Variants in SMURF1 observed in about 807,000 individuals in gnomAD.
SMURF1 encodes SMAD specific E3 ubiquitin protein ligase 1, also known as E3 ubiquitin-protein ligase SMURF1.
Under a neutral mutation model 98.0 loss-of-function variants are expected in SMURF1, and 44 were observed. That is an observed-to-expected ratio of 0.45 (90% CI 0.35 to 0.58). The LOEUF is 0.58. Ranked by LOEUF, SMURF1 falls within the 20% of genes least tolerant of loss-of-function variation. SMURF1 has a pLI of 0.00. For synonymous variants in SMURF1, 396 were observed against 374.9 expected, an observed-to-expected ratio of 1.06 and a Z score of -0.65; for missense variants, 687 against 938.4, an observed-to-expected ratio of 0.73 and a Z score of 3.50.
chr7:99,045,632 C>A, intron 11 of SMURF1, 66 bp downstream of exon 11: 1 of 1,356,518 alleles, frequency 7.4e-7, no homozygotes, highest in South Asian at 1.2e-5. Context: ...TGGAGAAGGG[C>A]AAATGACTTC....
chr7:99,120,635 A>C (rs1048590960), intron 1 of SMURF1: 1 of 151,980 alleles, frequency 6.6e-6, no homozygotes, highest in African/African-American at 2.4e-5. Context: ...AAAAAAAAAA[A>C]AACAAACCTG....
chr7:99,117,346 T>C (rs576108682), intron 1 of SMURF1, among the ~76,000 whole-genome samples: 1 of 149,486 alleles, frequency 6.7e-6, no homozygotes, highest in African/African-American at 2.6e-5. Context: ...CAACGCTTTT[T>C]TTGGTTTTGT....
chr7:99,096,925 G>A (rs1796967869), intron 1 of SMURF1, among the ~76,000 whole-genome samples: 1 of 152,134 alleles, frequency 6.6e-6, no homozygotes, highest in South Asian at 2.1e-4. Context: ...AGAGTCATAC[G>A]ATGTATGTTC....
At chr7:99,051,082 TAAA>T in intron 8 of SMURF1, 1 of 1,256,642 alleles carries the variant, frequency 8.0e-7, no homozygotes. Flanking sequence ...TTTAAGCATA[TAAA>T]AAAGTTAGTG....
intron 1 of SMURF1, among the ~76,000 whole-genome samples, chr7:99,137,819 A>G (rs190185018): frequency 6.6e-6 from 1 of 152,356 alleles, no homozygotes; most frequent in East Asian, 1.9e-4. Flanking sequence ...TAGTCCAGAA[A>G]TGTGGAAACA....
At chr7:99,133,053 C>A (rs948494241) in intron 1 of SMURF1, among the ~76,000 whole-genome samples, 1 of 151,778 alleles carries the variant, frequency 6.6e-6, no homozygotes, top group African/African-American at 2.4e-5. Flanking sequence ...ATCTTGATTG[C>A]AATGGTGGTG....
rs911667780 is a variant in SMURF1, at chr7:99,086,459, G to A, written c.56-24622C>T. Reference sequence around the variant, plus strand: ...AAACTGGAACACTCCTACATTGATGGTGGCAATGTAAAATGGTGCCACCAC... The same window carrying A: ...AAACTGGAACACTCCTACATTGATGATGGCAATGTAAAATGGTGCCACCAC... On this transcript the variant is annotated intron_variant, in intron 1 of 17. Transcript: ENST00000361368. Among the ~76,000 whole-genome samples the A allele has an allele frequency of 9.9e-5, 15 of 151,436 alleles. No individual in the cohort carries two copies. The South Asian group carries it at 3.1e-3, about 32-fold the overall frequency.
intron 1 of SMURF1, among the ~76,000 whole-genome samples, chr7:99,099,063 G>A (rs1309181093): frequency 6.6e-6 from 1 of 152,178 alleles, no homozygotes; most frequent in Non-Finnish European, 1.5e-5. Flanking sequence ...TGTTTGAGAG[G>A]CAGAATGCAT....
At chr7:99,053,348 A>G (rs1795806381) in intron 6 of SMURF1, among the ~76,000 whole-genome samples, 2 of 151,814 alleles carry the variant, frequency 1.3e-5, no homozygotes, top group Middle Eastern at 3.4e-3. Flanking sequence ...TCCAATGTCC[A>G]CTCTTCCAAT....
In SMURF1 at chr7:99,043,961, G is replaced by A. The variant is rs148144097; in HGVS notation, c.1257-1729C>T. Among the ~76,000 whole-genome samples, 253 of 152,320 alleles carry A rather than the reference G, an allele frequency of 1.7e-3. 1 individual carries two copies. Among genetic ancestry groups the A allele is most frequent in the African/African-American group, 5.9e-3 (247 of 41,566 alleles). ...GGAGCAAGAGAATCGCCATCAGGCTGCACAGAGGCCTTGCAGGAGACACGG... is the reference window on the plus strand; with the variant it reads ...GGAGCAAGAGAATCGCCATCAGGCTACACAGAGGCCTTGCAGGAGACACGG... On this transcript the variant is annotated intron_variant, in intron 11 of 17. Transcript: ENST00000361368.
intron 1 of SMURF1, among the ~76,000 whole-genome samples, chr7:99,063,138 G>A (rs1295879947): frequency 2.0e-5 from 3 of 146,706 alleles, no homozygotes; most frequent in African/African-American, 5.1e-5. Context: ...GTTTCACTTC[G>A]TTTTATAAAA....
chr7:99,058,048 C>T (rs1795927832), intron 3 of SMURF1, among the ~76,000 whole-genome samples: 1 of 152,188 alleles, frequency 6.6e-6, no homozygotes, highest in Non-Finnish European at 1.5e-5. Context: ...AACTACCTTG[C>T]TCCTTATGGA....
At chr7:99,033,003 C>T in intron 17 of SMURF1, 34 bp downstream of exon 17, 1 of 1,599,982 alleles carries the variant, frequency 6.3e-7, no homozygotes, top group African/African-American at 1.3e-5. Flanking sequence ...CTGGGGCTCC[C>T]AGGACGCCGT....
intron 3 of SMURF1, among the ~76,000 whole-genome samples, chr7:99,058,088 T>G (rs1795929149): frequency 6.6e-6 from 1 of 152,204 alleles, no homozygotes; most frequent in African/African-American, 2.4e-5. Context: ...CACACGATGA[T>G]AATAATCTTA....
At chr7:99,048,429 T>G (rs867034374) in intron 9 of SMURF1, 1 of 158,442 alleles carries the variant, frequency 6.3e-6, no homozygotes, top group Non-Finnish European at 1.4e-5. Flanking sequence ...CAAACACTTA[T>G]CTCACACATT....
At chr7:99,101,182 G>A (rs2150590098) in intron 1 of SMURF1, among the ~76,000 whole-genome samples, 1 of 152,238 alleles carries the variant, frequency 6.6e-6, no homozygotes, top group African/African-American at 2.4e-5. Flanking sequence ...CCCGGCCTGG[G>A]CAACATGGCA....
At chr7:99,063,248 T>TCA in intron 1 of SMURF1, among the ~76,000 whole-genome samples, 1 of 2,306 alleles carries the variant, frequency 4.3e-4, no homozygotes, top group East Asian at 0.016. Flanking sequence ...TATTTATATA[T>TCA]ATATATATAT....
At chr7:99,100,373 G>A (rs1308266708) in intron 1 of SMURF1, among the ~76,000 whole-genome samples, 1 of 152,140 alleles carries the variant, frequency 6.6e-6, no homozygotes, top group African/African-American at 2.4e-5. Flanking sequence ...TGGCCAACAT[G>A]GTGAAACCCC....
At chr7:99,091,346 A>G (rs1344133204) in intron 1 of SMURF1, among the ~76,000 whole-genome samples, 1 of 152,224 alleles carries the variant, frequency 6.6e-6, no homozygotes, top group Non-Finnish European at 1.5e-5. Flanking sequence ...ATCACTCCAC[A>G]AGAACACCAT....
Sources: allele counts gnomAD v4.1 joint callset (sites outside exome capture counted in the v4.1 genomes callset), GRCh38; gene constraint gnomAD v4.1.1; transcripts MANE v1.5; gene names NCBI Gene and HGNC (gene_info 2026-07-23, HGNC 2026-07-21).